WNK1: variants seen among roughly 807,000 people sequenced by gnomAD.
WNK1 encodes the protein WNK lysine deficient protein kinase 1, also known as serine/threonine-protein kinase WNK1.
In WNK1, 38 loss-of-function variants were observed where a neutral mutation model predicts 222.8. The observed-to-expected ratio is 0.17, with a 90% CI of 0.13 to 0.22. The LOEUF is 0.22. Among genes scored for constraint, WNK1 ranks in the 10% least tolerant of loss-of-function variants. WNK1 has a pLI of 1.00. For missense variants in WNK1, 2,348 were observed against 2,918.4 expected, an observed-to-expected ratio of 0.80 and a Z score of 4.50; for synonymous variants, 1,090 against 1,092.9, an observed-to-expected ratio of 1.00 and a Z score of 0.05.
At chr12:859,631 T>TGTGTGTGTGTGTGTGTGTGTG (rs111327474) in intron 6 of WNK1, among the ~76,000 whole-genome samples, 167 bp downstream of exon 6, 2 of 80,956 alleles carry the variant, frequency 2.5e-5, no homozygotes, top group Non-Finnish European at 5.1e-5. Flanking sequence ...CGTGTGTGTG[T>TGTGTGTGTGTGTGTGTGTGTG]GTTTTTTTTT....
chr12:907,993 C>A lies in WNK1; in HGVS notation c.6790C>A (p.Leu2264Ile), dbSNP rs761363777. 6.2e-7 allele frequency: 1 copy of A among 1,614,166 alleles called. No individual in the cohort carries two copies. Among genetic ancestry groups the A allele is most frequent in the Non-Finnish European group, 8.5e-7 (1 of 1,180,036 alleles). Reference sequence around the variant, plus strand: ...CAATTGGGCCCGAGATGCCATGAATCTCTCAGGCAGGAGAGGAAGCAAAGG... The same window carrying A: ...CAATTGGGCCCGAGATGCCATGAATATCTCAGGCAGGAGAGGAAGCAAAGG... Reference protein sequence around the residue: ...VDNWARDAMNLSGRRGSKGHM... With the variant: ...VDNWARDAMNISGRRGSKGHM... Residue 2264 changes from leucine (L) to isoleucine (I), a missense_variant, in exon 27 of 28, where the codon CTC (leucine) becomes ATC (isoleucine). Physicochemically the swap from Leu to Ile is conservative, Grantham distance 5. Transcript: ENST00000315939.
In WNK1 at chr12:881,802, A is replaced by G. The variant is rs867333028; in HGVS notation, c.3209+13A>G. On this transcript the variant is annotated intron_variant, in intron 13 of 27. Transcript: ENST00000315939. ...CCTCTGTAGACAGGTACGTAAAACT[A>G]GAATTCTCCTTCCTTGACTGGTAAA... is the stretch of plus-strand genomic sequence containing the variant. The G allele has an allele frequency of 6.2e-7, 1 of 1,614,064 alleles. No individual in the cohort carries two copies.
rs1488169661 is a variant in WNK1, at chr12:753,372, C to T, written c.-194C>T. The T allele has an allele frequency of 7.1e-6, 5 of 700,596 alleles. No individual in the cohort carries two copies. The highest frequency in any genetic ancestry group is 5.6e-5 in the East Asian group (2 of 35,574). The allele number at this position is 700,596 out of a possible 1,614,324, so 43.4% of individuals were successfully genotyped here. A position where few individuals can be genotyped will look rare whatever the true frequency, so the allele number is the denominator to read the frequency against. On this transcript the variant is annotated 5_prime_UTR_variant, in exon 1 of 28. Coordinates refer to ENST00000315939, the MANE Select transcript of WNK1 (RefSeq NM_018979.4). The surrounding 1 kb of genome is among the most constrained non-coding windows in gnomAD (Gnocchi z 5.2). Reference sequence around the variant, plus strand: ...TGAGCCGCAGCAGCCTCGGTGCCAGCCCCCGCCGCAGCTGGGCCCAGCGGT... The same window carrying T: ...TGAGCCGCAGCAGCCTCGGTGCCAGTCCCCGCCGCAGCTGGGCCCAGCGGT...
intron 23 of WNK1, among the ~76,000 whole-genome samples, chr12:895,701 C>CA (rs1954680260): frequency 6.6e-6 from 1 of 152,208 alleles, no homozygotes; most frequent in South Asian, 2.1e-4. Context: ...TCAAGTGATC[C>CA]ACCTGCTTCA....
intron 1 of WNK1, 108 bp downstream of exon 1, chr12:754,432 A>T (rs1260683783): frequency 3.4e-6 from 5 of 1,472,358 alleles, no homozygotes; most frequent in Non-Finnish European, 4.7e-6. Flanking sequence ...TTGGACTCCG[A>T]GTGGGACGGG....
intron 1 of WNK1, among the ~76,000 whole-genome samples, chr12:756,260 C>G (rs77546640): frequency 0.012 from 1,778 of 152,202 alleles, 33 homozygotes; most frequent in African/African-American, 0.036. Context: ...TCTGAGACTT[C>G]TTAGCATGTG....
In WNK1 at chr12:879,984, G is replaced by A; in HGVS notation, c.2785G>A (p.Gly929Arg). 1 of 1,614,170 alleles carries A rather than the reference G, an allele frequency of 6.2e-7. No homozygotes were observed. The highest frequency in any genetic ancestry group is 8.5e-7 in the Non-Finnish European group (1 of 1,180,038). ...GTCCATGGGAATACCAGCTAACCTT[G>A]GACAAGCTGCTGAGGTTCCACTTTC... Reference protein sequence around the residue: ...VQSMGIPANLGQAAEVPLSSG... With the variant: ...VQSMGIPANLRQAAEVPLSSG... Residue 929 changes from glycine to arginine, a missense_variant, in exon 11 of 28, where the codon GGA (glycine) becomes AGA (arginine). Physicochemically the swap from Gly to Arg is moderately radical, Grantham distance 125. Around this residue, in one of 13 missense-constraint regions of WNK1, gnomAD observed 547 missense variants for 558.3 expected, o/e 0.98. Transcript: ENST00000315939.
intron 4 of WNK1, among the ~76,000 whole-genome samples, chr12:847,801 CTTTTTTTTTT>C (rs898832948): frequency 3.1e-4 from 21 of 68,642 alleles, no homozygotes; most frequent in Admixed American, 1.4e-3. Context: ...GATTAATTCT[CTTTTTTTTTT>C]TTTTTTTTTT....
chr12:857,106 A>G, intron 4 of WNK1, 55 bp from the exon 5 acceptor site: 3 of 1,578,894 alleles, frequency 1.9e-6, no homozygotes, highest in Non-Finnish European at 2.6e-6. Context: ...GAAATTTAAA[A>G]AACAAAGTTC....
chr12:826,874 C>T (rs917680168), intron 2 of WNK1, among the ~76,000 whole-genome samples, 168 bp from the exon 3 acceptor site: 23 of 152,268 alleles, frequency 1.5e-4, no homozygotes, highest in African/African-American at 5.5e-4. Context: ...TTATTTTAAA[C>T]TATCATAGCC....
intron 5 of WNK1, among the ~76,000 whole-genome samples, chr12:858,326 A>G (rs1041742181): frequency 6.6e-6 from 1 of 151,824 alleles, no homozygotes. Context: ...AGTAGCTGGG[A>G]CTACAGACGC....
intron 2 of WNK1, among the ~76,000 whole-genome samples, chr12:820,525 GA>G (rs1178316657): frequency 1.4e-5 from 2 of 147,744 alleles, no homozygotes; most frequent in Non-Finnish European, 3.0e-5. Context: ...ACCGAGGCTG[GA>G]GTGCAGTGGT....
chr12:843,443 C>G (rs984580619), intron 4 of WNK1, among the ~76,000 whole-genome samples: 7 of 152,152 alleles, frequency 4.6e-5, no homozygotes, highest in African/African-American at 1.7e-4. Flanking sequence ...TGACAAATAA[C>G]TATTTTCCAA....
chr12:812,298 C>T (rs1478581245), intron 1 of WNK1, among the ~76,000 whole-genome samples: 1 of 151,932 alleles, frequency 6.6e-6, no homozygotes, highest in Non-Finnish European at 1.5e-5. Flanking sequence ...TTATTAAGGA[C>T]ACACACACAC....
chr12:842,144 T>C (rs540398416), intron 4 of WNK1, among the ~76,000 whole-genome samples: 1 of 152,280 alleles, frequency 6.6e-6, no homozygotes, highest in South Asian at 2.1e-4. Context: ...AATCAGACAT[T>C]ATGTATATTT....
intron 1 of WNK1, among the ~76,000 whole-genome samples, chr12:803,917 A>T (rs1946109982): frequency 1.3e-5 from 2 of 152,242 alleles, no homozygotes; most frequent in South Asian, 4.1e-4. Context: ...TGAAATGACA[A>T]TTGGATTAAA....
At position 884,920 on chromosome 12, in the gene WNK1, G is replaced by A; in HGVS notation, c.4116G>A (p.Gln1372=). The part of the protein sequence containing the change: ...PPNDISTSVI[Q]SEVTVPTEEG... The stretch of plus-strand genomic sequence containing the variant: ...ATGACATTTCCACATCAGTAATTCA[G>A]TCTGAGGTTACAGTGCCCACTGAAG... The change falls in exon 19 of 28, where the codon CAG becomes CAA. Residue 1372 remains glutamine (Q), a synonymous_variant. Transcript: ENST00000315939. The surrounding 1 kb of genome is among the most constrained non-coding windows in gnomAD (Gnocchi z 5.6). 1 of 1,614,134 alleles carries A rather than the reference G, an allele frequency of 6.2e-7. No homozygotes were observed.
chr12:878,533 C>T (rs1461320116), intron 10 of WNK1, among the ~76,000 whole-genome samples, 172 bp downstream of exon 10: 1 of 152,056 alleles, frequency 6.6e-6, no homozygotes, highest in Non-Finnish European at 1.5e-5. Context: ...TGAAGATCAC[C>T]TCATTGGTGC....
chr12:879,514 T>TTTTTTTTTTTTTTTTTTTTTTTTTTTG, intron 10 of WNK1, 59 bp from the exon 11 acceptor site: 3 of 43,856 alleles, frequency 6.8e-5, no homozygotes, highest in African/African-American at 9.8e-5. Context: ...GCAGCCTTGC[T>TTTTTTTTTTTTTTTTTTTTTTTTTTTG]TTTTTTTTTT....
Sources: allele counts gnomAD v4.1 joint callset (sites outside exome capture counted in the v4.1 genomes callset), GRCh38; gene constraint gnomAD v4.1.1; regional missense constraint gnomAD v4.1.1; non-coding constraint Gnocchi (gnomAD v3.1); transcripts MANE v1.5; gene names NCBI Gene and HGNC (gene_info 2026-07-23, HGNC 2026-07-21).